SLC39A9: variants seen among roughly 807,000 people sequenced by gnomAD.
SLC39A9 encodes the protein solute carrier family 39 member 9, also known as zinc transporter ZIP9.
A neutral mutation model predicts 28.4 loss-of-function variants in SLC39A9; 14 were observed. That is an observed-to-expected ratio of 0.49 (90% CI 0.33 to 0.77). The LOEUF is 0.77. Ranked by LOEUF, SLC39A9 falls within the 30% of genes least tolerant of loss-of-function variation. The pLI is 0.02. For missense variants in SLC39A9, 283 were observed against 381.1 expected (o/e 0.74, Z 2.14); for synonymous variants, 119 against 149.6 (o/e 0.80, Z 1.49).
At chr14:69,452,760 A>G (rs1196699489) in intron 3 of SLC39A9, among the ~76,000 whole-genome samples, 1 of 152,222 alleles carries the variant, frequency 6.6e-6, no homozygotes, top group African/African-American at 2.4e-5. Flanking sequence ...GGTGATGGCA[A>G]TAAAAATGTG....
intron 1 of SLC39A9, among the ~76,000 whole-genome samples, chr14:69,423,342 C>G (rs1246019154): frequency 3.9e-5 from 6 of 152,094 alleles, no homozygotes. Flanking sequence ...AGCCAGTCTC[C>G]TTTATTGGAC....
At chr14:69,413,231 G>A (rs1339860690) in intron 1 of SLC39A9, among the ~76,000 whole-genome samples, 2 of 152,138 alleles carry the variant, frequency 1.3e-5, no homozygotes, top group South Asian at 2.1e-4. Flanking sequence ...TGGCAGGCAC[G>A]TGTAGTCCCA....
At chr14:69,452,014 T>C (rs1433006193) in intron 3 of SLC39A9, among the ~76,000 whole-genome samples, 1 of 152,082 alleles carries the variant, frequency 6.6e-6, no homozygotes, top group Non-Finnish European at 1.5e-5. Flanking sequence ...CCATGCTTAG[T>C]CTTCAATTTT....
chr14:69,416,283 C>T (rs954891074), intron 1 of SLC39A9, among the ~76,000 whole-genome samples: 1 of 152,158 alleles, frequency 6.6e-6, no homozygotes, highest in Non-Finnish European at 1.5e-5. Context: ...CATCCATGTC[C>T]CTACAAAGGA....
chr14:69,446,941 TATATATAG>T (rs1885346570), intron 3 of SLC39A9, among the ~76,000 whole-genome samples: 1 of 132,952 alleles, frequency 7.5e-6, no homozygotes, highest in African/African-American at 2.8e-5. Context: ...TATATATATA[TATATATAG>T]AGAGAGAGAG....
In SLC39A9 at chr14:69,454,793, T is replaced by C. The variant is rs1885783143; in HGVS notation, c.473-19T>C. ...GTTGTTGTTTATAGTATTTTATGTT[T>C]CCTTGTTTCCAAATATAGCTGATGG... is the stretch of plus-strand genomic sequence containing the variant. On this transcript the variant is annotated intron_variant, in intron 4 of 6. Transcript: ENST00000336643. 1 of 1,605,120 alleles carries C rather than the reference T, an allele frequency of 6.2e-7. No individual in the cohort carries two copies. Among genetic ancestry groups the C allele is most frequent in the African/African-American group, 1.3e-5 (1 of 74,762 alleles).
chr14:69,447,778 T>A (rs1885406015), intron 3 of SLC39A9, among the ~76,000 whole-genome samples: 1 of 151,880 alleles, frequency 6.6e-6, no homozygotes, highest in Non-Finnish European at 1.5e-5. Context: ...CTGGTCGTGG[T>A]GACCTGCGCT....
intron 3 of SLC39A9, among the ~76,000 whole-genome samples, chr14:69,447,326 A>G (rs1167678479): frequency 2.0e-5 from 3 of 152,182 alleles, no homozygotes; most frequent in Non-Finnish European, 4.4e-5. Flanking sequence ...CAAAGCAAGC[A>G]AATTCTGGAA....
rs1401055706 is a variant in SLC39A9 at position 69,438,384 on chromosome 14, A to G, written c.206-3685A>G. 2.0e-5 allele frequency among the ~76,000 whole-genome samples: 3 copies of G among 152,206 alleles called. No homozygotes were observed. In the East Asian group the frequency reaches 5.8e-4, roughly 29 times the overall value. On this transcript the variant is annotated intron_variant, in intron 2 of 6. Coordinates refer to ENST00000336643, the MANE Select transcript of SLC39A9 (RefSeq NM_018375.5). ...CGTACTTCAAGAAAGACGTTTGTATACATGTTACTACAGCCTATGGTTTCG... is the reference window on the plus strand; with the variant it reads ...CGTACTTCAAGAAAGACGTTTGTATGCATGTTACTACAGCCTATGGTTTCG...
At chr14:69,441,831 G>A (rs1222148069) in intron 2 of SLC39A9, 1 of 1,236,622 alleles carries the variant, frequency 8.1e-7, no homozygotes, top group East Asian at 3.8e-5. Context: ...CCACTTCCCA[G>A]GTGTTGAGAA....
chr14:69,423,557 T>A (rs2140274085), intron 1 of SLC39A9, among the ~76,000 whole-genome samples: 1 of 152,292 alleles, frequency 6.6e-6, no homozygotes. Flanking sequence ...CTTCCTATCA[T>A]GGATAGTAGA....
chr14:69,415,299 G>A (rs1053064151), intron 1 of SLC39A9, among the ~76,000 whole-genome samples: 1 of 152,148 alleles, frequency 6.6e-6, no homozygotes, highest in African/African-American at 2.4e-5. Flanking sequence ...AAAGTTGTCA[G>A]TCTTTTCAAT....
At chr14:69,429,653 G>A (rs1214222899) in intron 2 of SLC39A9, among the ~76,000 whole-genome samples, 1 of 152,214 alleles carries the variant, frequency 6.6e-6, no homozygotes, top group East Asian at 1.9e-4. Context: ...GGGAGGCAGA[G>A]GTTGCAGTGA....
At chr14:69,421,595 C>T (rs779544928) in intron 1 of SLC39A9, among the ~76,000 whole-genome samples, 4 of 152,210 alleles carry the variant, frequency 2.6e-5, no homozygotes, top group Non-Finnish European at 5.9e-5. Context: ...TTCAGCTATG[C>T]CCTGCCCCCA....
upstream of SLC39A9, chr14:69,398,458 A>G (rs1882431963): frequency 2.6e-5 from 16 of 614,128 alleles, no homozygotes; most frequent in South Asian, 3.2e-4. Flanking sequence ...AAGGTAAGGG[A>G]AAGTTTCCAA....
Position 69,458,673 on chromosome 14 carries a change from C to A in SLC39A9, c.*80C>A. On this transcript the variant is annotated 3_prime_UTR_variant, in exon 7 of 7. Coordinates refer to ENST00000336643, the MANE Select transcript of SLC39A9 (RefSeq NM_018375.5). ...GGCACGTGACAGCTACTCACTTCCT[C>A]AGTCTCTTGTCTCACCTTGCGCATC... is the stretch of plus-strand genomic sequence containing the variant. 1 of 1,473,972 alleles carries A rather than the reference C, an allele frequency of 6.8e-7. No homozygotes were observed. Among genetic ancestry groups the A allele is most frequent in the East Asian group, 2.5e-5 (1 of 40,206 alleles). 91.3% of individuals were successfully genotyped at this position (1,473,972 alleles called of 1,614,324 possible). A position where few individuals can be genotyped will look rare whatever the true frequency, so the allele number is the denominator to read the frequency against.
intron 3 of SLC39A9, among the ~76,000 whole-genome samples, chr14:69,448,667 T>C (rs1594945827): frequency 6.6e-6 from 1 of 152,370 alleles, no homozygotes; most frequent in East Asian, 1.9e-4. Context: ...TGTGTGATTC[T>C]AGACTGGATC....
chr14:69,423,171 T>C (rs953930921), intron 1 of SLC39A9, among the ~76,000 whole-genome samples: 1 of 152,222 alleles, frequency 6.6e-6, no homozygotes, highest in African/African-American at 2.4e-5. Flanking sequence ...GTTCTACTTA[T>C]AAATATTTTT....
upstream of SLC39A9, chr14:69,398,484 AT>A (rs1281758632): frequency 2.4e-5 from 14 of 590,496 alleles, no homozygotes; most frequent in Non-Finnish European, 3.0e-5. Context: ...AGGAAGAATT[AT>A]TTTTTTTCAA....
Sources: gnomAD v4.1 joint callset for allele counts (sites outside exome capture counted in the v4.1 genomes callset) on GRCh38, gnomAD v4.1.1 for gene constraint, MANE v1.5 for transcripts, NCBI Gene and HGNC (gene_info 2026-07-23, HGNC 2026-07-21) for gene names.